RBFOX1: variants seen among roughly 807,000 people sequenced by gnomAD.
The protein encoded by RBFOX1 is RNA binding protein fox-1 homolog 1.
Under a neutral mutation model 57.7 loss-of-function variants are expected in RBFOX1, and 8 were observed. The observed-to-expected ratio is 0.14, with a 90% CI of 0.08 to 0.25. The LOEUF is 0.25. RBFOX1 is among the 10% of genes least tolerant of loss of function. The pLI is 1.00. For missense variants in RBFOX1, 611 were observed against 548.5 expected (o/e 1.11, Z -1.14); for synonymous variants, 326 against 222.4 (o/e 1.47, Z -4.15).
chr16:7,324,364 C>T (rs1749312368), intron 4 of RBFOX1, among the ~76,000 whole-genome samples: 1 of 151,196 alleles, frequency 6.6e-6, no homozygotes, highest in African/African-American at 2.4e-5. Context: ...GTGTCCAGCT[C>T]CTGTAGGGTC....
chr16:6,880,308 C>T (rs2062675232), intron 3 of RBFOX1, among the ~76,000 whole-genome samples: 1 of 152,196 alleles, frequency 6.6e-6, no homozygotes, highest in African/African-American at 2.4e-5. Flanking sequence ...GTAGACGAGG[C>T]AGCCAGAGAG....
At chr16:7,632,621 G>A (rs57674736) in intron 11 of RBFOX1, among the ~76,000 whole-genome samples, 15,449 of 152,174 alleles carry the variant, frequency 0.1, 983 homozygotes, top group African/African-American at 0.17. Context: ...AGCCTTCCTC[G>A]TCTATATTAT....
intron 3 of RBFOX1, among the ~76,000 whole-genome samples, chr16:5,736,359 T>G (rs2052571502): frequency 6.6e-6 from 1 of 152,144 alleles, no homozygotes; most frequent in African/African-American, 2.4e-5. Context: ...CTCCCATCTT[T>G]TTTACTTTCC....
chr16:7,303,486 G>T (rs942935754), intron 4 of RBFOX1, among the ~76,000 whole-genome samples: 30 of 152,374 alleles, frequency 2.0e-4, no homozygotes, highest in African/African-American at 6.5e-4. Flanking sequence ...GATGCCGGGC[G>T]CGCGGGGCGC....
At chr16:5,974,028 A>G (rs2060013258) in intron 4 of RBFOX1, among the ~76,000 whole-genome samples, 1 of 152,250 alleles carries the variant, frequency 6.6e-6, no homozygotes, top group Non-Finnish European at 1.5e-5. Flanking sequence ...CATTTGTAAA[A>G]TAGAGATGAT....
At chr16:6,862,892 G>C (rs1380585712) in intron 3 of RBFOX1, among the ~76,000 whole-genome samples, 1 of 143,692 alleles carries the variant, frequency 7.0e-6, no homozygotes, top group Non-Finnish European at 1.6e-5. Flanking sequence ...GGTTGAGGCA[G>C]GAGAATCACT....
intron 2 of RBFOX1, among the ~76,000 whole-genome samples, chr16:6,466,552 G>A (rs144200267): frequency 3.3e-5 from 5 of 152,250 alleles, no homozygotes; most frequent in Non-Finnish European, 7.4e-5. Context: ...TCTGATGCTT[G>A]CTGGGTTAAG....
intron 3 of RBFOX1, among the ~76,000 whole-genome samples, chr16:5,733,502 C>G (rs1262484703): frequency 6.6e-6 from 1 of 152,066 alleles, no homozygotes; most frequent in African/African-American, 2.4e-5. Context: ...TGCCCTGGGC[C>G]GGGGTGGTCA....
intron 3 of RBFOX1, among the ~76,000 whole-genome samples, chr16:6,819,060 T>G (rs1376678607): frequency 2.6e-5 from 4 of 152,176 alleles, no homozygotes; most frequent in African/African-American, 9.7e-5. Flanking sequence ...ATAAGCGACT[T>G]GAATGAGTTC....
intron 2 of RBFOX1, among the ~76,000 whole-genome samples, chr16:6,586,894 A>G (rs1296315773): frequency 6.6e-6 from 1 of 152,230 alleles, no homozygotes; most frequent in East Asian, 1.9e-4. Context: ...TAAAAAATTG[A>G]CACTAAAAAT....
At chr16:6,083,239 G>A (rs12925424) in intron 1 of RBFOX1, among the ~76,000 whole-genome samples, 61,194 of 151,928 alleles carry the variant, frequency 0.4, 14,203 homozygotes, top group Non-Finnish European at 0.55. Flanking sequence ...CTGACCTGAA[G>A]TGATCTGCCC....
At chr16:6,194,233 G>A (rs558604628) in intron 1 of RBFOX1, among the ~76,000 whole-genome samples, 2 of 152,214 alleles carry the variant, frequency 1.3e-5, no homozygotes, top group African/African-American at 4.8e-5. Flanking sequence ...ATTACCTCCT[G>A]AAGAGCCACA....
chr16:6,127,694 C>G (rs2152662748), intron 1 of RBFOX1, among the ~76,000 whole-genome samples: 1 of 152,228 alleles, frequency 6.6e-6, no homozygotes, highest in East Asian at 1.9e-4. Flanking sequence ...ATTTAGAAAT[C>G]AAGACCTAAG....
chr16:6,703,670 G>A (rs1177963913), intron 3 of RBFOX1, among the ~76,000 whole-genome samples: 1 of 152,024 alleles, frequency 6.6e-6, no homozygotes, highest in Non-Finnish European at 1.5e-5. Flanking sequence ...CTGAGCCACT[G>A]CACTCCAGCC....
chr16:6,797,968 T>C (rs1285211169), intron 3 of RBFOX1, among the ~76,000 whole-genome samples: 1 of 152,020 alleles, frequency 6.6e-6, no homozygotes, highest in African/African-American at 2.4e-5. Flanking sequence ...GTGATCACGG[T>C]GATGGTGATA....
chr16:5,703,173 A>C (rs554263126), intron 3 of RBFOX1, among the ~76,000 whole-genome samples: 9 of 152,344 alleles, frequency 5.9e-5, no homozygotes, highest in African/African-American at 2.2e-4. Context: ...TATAATTGCA[A>C]CTTTGCTATG....
intron 4 of RBFOX1, among the ~76,000 whole-genome samples, chr16:7,137,401 T>C (rs961783057): frequency 6.6e-6 from 1 of 152,170 alleles, no homozygotes; most frequent in Non-Finnish European, 1.5e-5. Flanking sequence ...CATACTGTTC[T>C]CGTGGTAGCG....
chr16:5,853,707 G>C (rs1243271235), intron 3 of RBFOX1, among the ~76,000 whole-genome samples: 1 of 152,190 alleles, frequency 6.6e-6, no homozygotes, highest in Admixed American at 6.5e-5. Context: ...AGGTGTGGGG[G>C]ATAGAGAGGC....
chr16:7,208,793 C>T (rs1055376658), intron 4 of RBFOX1, among the ~76,000 whole-genome samples: 6 of 152,108 alleles, frequency 3.9e-5, no homozygotes, highest in African/African-American at 1.2e-4. Context: ...GCTGTGATTG[C>T]AGCACTTGCA....
Sources: gnomAD v4.1 joint callset for allele counts (sites outside exome capture counted in the v4.1 genomes callset) on GRCh38, gnomAD v4.1.1 for gene constraint, MANE v1.5 for transcripts, NCBI Gene and HGNC (gene_info 2026-07-23, HGNC 2026-07-21) for gene names.